Variants in MCTP2 observed in about 807,000 individuals in gnomAD.
MCTP2 encodes the protein multiple C2 and transmembrane domain-containing protein 2.
Under a neutral mutation model 111.6 loss-of-function variants are expected in MCTP2, and 132 were observed. The ratio of observed to expected loss-of-function variants is 1.18; its 90% confidence interval spans 1.03 to 1.37. MCTP2 has a LOEUF of 1.37. Ranked by LOEUF, MCTP2 falls within the 40% of genes most tolerant of loss-of-function variation. The pLI, the probability that MCTP2 is intolerant of heterozygous loss-of-function variation, is 0.00. For synonymous variants in MCTP2, 395 were observed against 387.7 expected, an observed-to-expected ratio of 1.02 and a Z score of -0.22; for missense variants, 1,183 against 1,067.9, an observed-to-expected ratio of 1.11 and a Z score of -1.50.
intron 1 of MCTP2, among the ~76,000 whole-genome samples, chr15:94,247,690 G>A (rs768399): frequency 0.38 from 57,022 of 152,002 alleles, 11,034 homozygotes; most frequent in Non-Finnish European, 0.44. Context: ...CTAATTTAAT[G>A]CCTCTGTAAA....
intron 21 of MCTP2, chr15:94,476,441 C>T (rs2074357429): frequency 1.1e-5 from 3 of 262,428 alleles, no homozygotes; most frequent in Non-Finnish European, 2.2e-5. Context: ...TGCTTCCTGC[C>T]TTCAGGAAAA....
intron 1 of MCTP2, among the ~76,000 whole-genome samples, chr15:94,288,394 G>A (rs748907374): frequency 1.4e-4 from 22 of 152,208 alleles, no homozygotes; most frequent in Non-Finnish European, 3.1e-4. Context: ...TGAGAATGGA[G>A]TTAATGGGTG....
rs189039445 is a variant in MCTP2, at chr15:94,290,624, A to T, written c.-65-7577A>T. ...AGCTAGAGATTGTCAGACTGGATTT[A>T]AAAAAATGTCCTAGCTATGGGCTTT... On this transcript the variant is annotated intron_variant, in intron 1 of 22. Transcript: ENST00000357742. Among the ~76,000 whole-genome samples, 1,482 of 152,302 alleles carry T rather than the reference A, an allele frequency of 9.7e-3. 20 individuals are homozygous for T. The highest frequency in any genetic ancestry group is 0.017 in the Middle Eastern group (5 of 294).
rs2074338019 is a variant in MCTP2 at position 94,278,771 on chromosome 15, G to T, written c.-65-19430G>T. ...CGTGGTGTCTGTCATTCCCTTCCTTGTGTCTATATGTACTCAGTGTTTAGC... is the reference window on the plus strand; with the variant it reads ...CGTGGTGTCTGTCATTCCCTTCCTTTTGTCTATATGTACTCAGTGTTTAGC... On this transcript the variant is annotated intron_variant, in intron 1 of 22. Coordinates refer to ENST00000357742, the MANE Select transcript of MCTP2 (RefSeq NM_001385001.1). 1.3e-5 allele frequency among the ~76,000 whole-genome samples: 2 copies of T among 151,930 alleles called. 1 individual carries two copies. The highest frequency in any genetic ancestry group is 4.2e-4 in the South Asian group (2 of 4,816).
At chr15:94,307,141 T>C (rs1341532371) in intron 2 of MCTP2, among the ~76,000 whole-genome samples, 3 of 152,104 alleles carry the variant, frequency 2.0e-5, no homozygotes, top group Non-Finnish European at 4.4e-5. Flanking sequence ...ATCCAGACAC[T>C]AGGGACAGAG....
At chr15:94,417,007 C>T (rs997329939) in intron 17 of MCTP2, among the ~76,000 whole-genome samples, 6 of 152,074 alleles carry the variant, frequency 3.9e-5, no homozygotes, top group African/African-American at 1.4e-4. Flanking sequence ...CATGATGAAG[C>T]AAAGTTTTAT....
intron 20 of MCTP2, among the ~76,000 whole-genome samples, chr15:94,468,489 AAAG>A (rs2073609226): frequency 6.6e-6 from 1 of 152,242 alleles, no homozygotes; most frequent in South Asian, 2.1e-4. Flanking sequence ...GGCCAAAAAA[AAAG>A]GTTAGAAATC....
chr15:94,432,361 A>G (rs2083238441), intron 17 of MCTP2, among the ~76,000 whole-genome samples: 1 of 152,206 alleles, frequency 6.6e-6, no homozygotes, highest in Admixed American at 6.5e-5. Flanking sequence ...CTACCACAAA[A>G]GAACACTTAA....
intron 1 of MCTP2, among the ~76,000 whole-genome samples, chr15:94,242,643 T>C (rs1485548088): frequency 6.6e-6 from 1 of 152,056 alleles, no homozygotes; most frequent in Non-Finnish European, 1.5e-5. Flanking sequence ...TTACCCAACT[T>C]GAGGCTGTTA....
At chr15:94,402,701 TA>T in intron 17 of MCTP2, 5 of 1,463,644 alleles carry the variant, frequency 3.4e-6, no homozygotes, top group Non-Finnish European at 4.5e-6. Context: ...CTCTCATTTG[TA>T]AAGGGACTTG....
At chr15:94,282,415 A>G (rs750927743) in intron 1 of MCTP2, among the ~76,000 whole-genome samples, 2 of 152,162 alleles carry the variant, frequency 1.3e-5, no homozygotes, top group African/African-American at 2.4e-5. Context: ...CTTTTGTAAA[A>G]TGATTATGAC....
chr15:94,323,831 T>C (rs1454502853), intron 4 of MCTP2, among the ~76,000 whole-genome samples: 1 of 152,206 alleles, frequency 6.6e-6, no homozygotes, highest in Non-Finnish European at 1.5e-5. Context: ...TGACCCTCCC[T>C]GTCCCCTCTT....
chr15:94,304,962 C>T (rs1413096555), intron 2 of MCTP2, among the ~76,000 whole-genome samples: 1 of 152,114 alleles, frequency 6.6e-6, no homozygotes, highest in South Asian at 2.1e-4. Flanking sequence ...AATTGTAAGG[C>T]TGATATCTTA....
At chr15:94,368,255 C>T (rs1025654142) in intron 11 of MCTP2, among the ~76,000 whole-genome samples, 5 of 152,148 alleles carry the variant, frequency 3.3e-5, no homozygotes, top group Admixed American at 1.3e-4. Flanking sequence ...CATGAAGAAC[C>T]GCTGTTCTGA....
chr15:94,374,865 T>C (rs1200079726), intron 12 of MCTP2, among the ~76,000 whole-genome samples: 2 of 152,104 alleles, frequency 1.3e-5, no homozygotes, highest in East Asian at 3.9e-4. Flanking sequence ...CCTCCACGCC[T>C]AGCTCGGTGG....
chr15:94,455,477 C>T (rs371138919), intron 19 of MCTP2, among the ~76,000 whole-genome samples: 15 of 151,708 alleles, frequency 9.9e-5, no homozygotes, highest in South Asian at 4.2e-4. Context: ...CTCGCTCTGT[C>T]GCCAGGCTCG....
chr15:94,419,709 C>T (rs956320175), intron 17 of MCTP2, among the ~76,000 whole-genome samples: 1 of 151,892 alleles, frequency 6.6e-6, no homozygotes, highest in African/African-American at 2.4e-5. Flanking sequence ...TATAGGCAGG[C>T]ATCCTTTTAT....
chr15:94,251,862 G>T (rs2072455952), intron 1 of MCTP2, among the ~76,000 whole-genome samples: 1 of 152,048 alleles, frequency 6.6e-6, no homozygotes, highest in African/African-American at 2.4e-5. Flanking sequence ...ACTTTAAGTA[G>T]CTCCCATAAG....
chr15:94,356,802 T>G (rs1270744516), intron 9 of MCTP2, among the ~76,000 whole-genome samples: 1 of 152,190 alleles, frequency 6.6e-6, no homozygotes, highest in Non-Finnish European at 1.5e-5. Flanking sequence ...GAAAAGTGAT[T>G]TATTTTAAAC....
Sources: gnomAD v4.1 joint callset for allele counts (sites outside exome capture counted in the v4.1 genomes callset) on GRCh38, gnomAD v4.1.1 for gene constraint, MANE v1.5 for transcripts, NCBI Gene and HGNC (gene_info 2026-07-23, HGNC 2026-07-21) for gene names.